EML5: variants seen among roughly 807,000 people sequenced by gnomAD.
EML5 encodes the protein EMAP like 5, also known as echinoderm microtubule-associated protein-like 5.
A neutral mutation model predicts 250.0 loss-of-function variants in EML5; 120 were observed. The ratio of observed to expected loss-of-function variants is 0.48; its 90% CI spans 0.41 to 0.56. The LOEUF (loss-of-function observed/expected upper bound fraction) is 0.56, where lower values mean the gene tolerates loss of function less well. Ranked by LOEUF, EML5 falls within the 20% of genes least tolerant of loss-of-function variation. The probability of loss-of-function intolerance (pLI) is 0.00; values close to 1 mark genes in which losing one functional copy is unlikely to be tolerated. For synonymous variants in EML5, 771 were observed against 806.5 expected (o/e 0.96, Z 0.75); for missense variants, 2,006 against 2,437.6 (o/e 0.82, Z 3.73).
intron 21 of EML5, among the ~76,000 whole-genome samples, chr14:88,666,464 G>T (rs2092309458): frequency 6.6e-6 from 1 of 152,076 alleles, no homozygotes. Flanking sequence ...GACCTCAGGT[G>T]AACCACCTGC....
chr14:88,615,966 T>C (rs942715327), intron 43 of EML5, 112 bp from the exon 44 acceptor site: 3 of 1,320,382 alleles, frequency 2.3e-6, no homozygotes, highest in African/African-American at 2.9e-5. Context: ...TTTTCCTCTT[T>C]AACTCCTTTT....
At position 88,681,960 on chromosome 14, in the gene EML5, A is replaced by G; in HGVS notation, c.3054T>C (p.Asp1018=). Residue 1018 remains aspartate, a synonymous_variant, in exon 21 of 44, where the codon GAT becomes GAC. Coordinates refer to ENST00000554922, the MANE Select transcript of EML5 (RefSeq NM_183387.3). The stretch of plus-strand genomic sequence containing the variant: ...GATCCCATATTCTTAAGGTTTTATC[A>G]TCGCTTACAGTAGCACAGATGGGCA... The part of the protein sequence containing the change: ...PYLPICATVS[D]DKTLRIWDLS... The G allele has an allele frequency of 1.2e-6, 2 of 1,613,728 alleles. No individual in the cohort carries two copies. The highest frequency in any genetic ancestry group is 1.7e-6 in the Non-Finnish European group (2 of 1,179,810).
At chr14:88,678,982 T>C (rs1349320103) in intron 21 of EML5, among the ~76,000 whole-genome samples, 3 of 151,920 alleles carry the variant, frequency 2.0e-5, no homozygotes, top group African/African-American at 7.3e-5. Context: ...TAATCCTTCC[T>C]TGTTTCTCTC....
chr14:88,690,631 G>C (rs181354965), intron 17 of EML5, among the ~76,000 whole-genome samples: 1 of 152,208 alleles, frequency 6.6e-6, no homozygotes, highest in Non-Finnish European at 1.5e-5. Context: ...GTTTAGCATA[G>C]AAGATGACAA....
At position 88,760,519 on chromosome 14, in the gene EML5, C is replaced by A. The variant is rs550792542; in HGVS notation, c.198-5848G>T. Among the ~76,000 whole-genome samples the A allele has an allele frequency of 2.6e-5, 4 of 152,222 alleles. No homozygotes were observed. The East Asian group carries it at 7.7e-4, about 29-fold the overall frequency. On this transcript the variant is annotated intron_variant, in intron 1 of 43. Coordinates refer to ENST00000554922, the MANE Select transcript of EML5 (RefSeq NM_183387.3). ...GCACCCTGTATTTTACACCATTAAC[C>A]TATGTATCTATCCTTTCACCAATAC...
At chr14:88,686,559 C>T (rs2141227966) in intron 19 of EML5, among the ~76,000 whole-genome samples, 1 of 151,410 alleles carries the variant, frequency 6.6e-6, no homozygotes, top group African/African-American at 2.4e-5. Flanking sequence ...GTGGCTCATG[C>T]CTGTAATTTC....
intron 10 of EML5, among the ~76,000 whole-genome samples, chr14:88,708,775 T>C (rs2093358486): frequency 6.6e-6 from 1 of 152,154 alleles, no homozygotes; most frequent in Admixed American, 6.5e-5. Flanking sequence ...GTTTTAAATG[T>C]AAATTGGATT....
At chr14:88,632,184 A>G (rs1321954412) in intron 33 of EML5, among the ~76,000 whole-genome samples, 3 of 152,180 alleles carry the variant, frequency 2.0e-5, no homozygotes, top group Non-Finnish European at 2.9e-5. Context: ...TCATACGCCC[A>G]TACCCAATTA....
At chr14:88,634,998 A>G (rs1341771625) in intron 32 of EML5, among the ~76,000 whole-genome samples, 6 of 152,214 alleles carry the variant, frequency 3.9e-5, no homozygotes, top group African/African-American at 1.4e-4. Flanking sequence ...AGCTTACTGT[A>G]TAACTCAAGA....
chr14:88,648,193 C>G (rs1269794665), intron 28 of EML5, among the ~76,000 whole-genome samples: 2 of 152,044 alleles, frequency 1.3e-5, no homozygotes, highest in Non-Finnish European at 1.5e-5. Flanking sequence ...CTTTACATGT[C>G]TAGAACAATC....
chr14:88,617,025 C>G, intron 41 of EML5, 146 bp from the exon 42 acceptor site: 1 of 615,622 alleles, frequency 1.6e-6, no homozygotes, highest in Non-Finnish European at 2.6e-6. Flanking sequence ...TGTTTGGAGA[C>G]CTGAATTTCA....
chr14:88,643,447 GTATTAGGTATC>G (rs2091178548), intron 30 of EML5, among the ~76,000 whole-genome samples: 1 of 152,110 alleles, frequency 6.6e-6, no homozygotes, highest in East Asian at 1.9e-4. Context: ...CATTTACACT[GTATTAGGTATC>G]ATAAGTAATC....
At chr14:88,642,132 C>T (rs1555423664) in intron 31 of EML5, among the ~76,000 whole-genome samples, 1 of 152,180 alleles carries the variant, frequency 6.6e-6, no homozygotes, top group Non-Finnish European at 1.5e-5. Flanking sequence ...TCAATCTACT[C>T]TTTACCCATT....
At chr14:88,622,803 A>G in intron 36 of EML5, 85 bp from the exon 37 acceptor site, 1 of 791,074 alleles carries the variant, frequency 1.3e-6, no homozygotes, top group Non-Finnish European at 1.7e-6. Flanking sequence ...TATAAGCAGA[A>G]TCTTTTTTTT....
At position 88,739,124 on chromosome 14, in the gene EML5, GA is replaced by G; in HGVS notation, c.712-111del. 6 of 1,035,740 alleles carry G rather than the reference GA, an allele frequency of 5.8e-6. No homozygotes were observed. The East Asian group carries it at 1.6e-4, about 28-fold the overall frequency. The allele number at this position is 1,035,740 out of a possible 1,614,324, so 64.2% of individuals were successfully genotyped here. On this transcript the variant is annotated intron_variant, in intron 5 of 43. Transcript: ENST00000554922. ...TTAACAATATTTTGGTAGGATATAAGAATAAACAAATACATCAGAAAACACA... is the reference window on the plus strand; with the variant it reads ...TTAACAATATTTTGGTAGGATATAAGATAAACAAATACATCAGAAAACACA...
rs990090655 is a variant in EML5 at position 88,714,171 on chromosome 14, T to G, written c.1444+768A>C. Among the ~76,000 whole-genome samples the G allele has an allele frequency of 2.0e-5, 3 of 152,222 alleles. No individual in the cohort carries two copies. The South Asian group carries it at 6.2e-4, about 32-fold the overall frequency. The stretch of plus-strand genomic sequence containing the variant: ...TTATTTGAGATAAACACAAAAAAAA[T>G]GTATTGGTCACACACTTCTAGTAAT... On this transcript the variant is annotated intron_variant, in intron 9 of 43. Transcript: ENST00000554922.
chr14:88,740,052 T>G (rs911719596), intron 5 of EML5, among the ~76,000 whole-genome samples: 2 of 152,190 alleles, frequency 1.3e-5, no homozygotes, highest in African/African-American at 4.8e-5. Context: ...CTCTGGTAAA[T>G]TAGCCTCAAG....
chr14:88,766,774 G>A lies in EML5; in HGVS notation c.198-12103C>T, dbSNP rs7145387. Among the ~76,000 whole-genome samples, 1,292 of 152,090 alleles carry A rather than the reference G, an allele frequency of 8.5e-3. 17 individuals are homozygous for A. The highest frequency in any genetic ancestry group is 0.03 in the African/African-American group (1,228 of 41,480). ...AGTTTTGCAGCTTGAGGGGCATCAC[G>A]GAACCTGCCAACATGTGATGTCTCC... On this transcript the variant is annotated intron_variant, in intron 1 of 43. Transcript: ENST00000554922.
chr14:88,792,151 G>A lies in EML5; in HGVS notation c.197+156C>T, dbSNP rs1274550641. The stretch of plus-strand genomic sequence containing the variant: ...GGAAGAGGGGAAAGGCATTTGTAGG[G>A]TGTTAACTGGTGGACTCGGGACCAG... On this transcript the variant is annotated intron_variant, in intron 1 of 43. Coordinates refer to ENST00000554922, the MANE Select transcript of EML5 (RefSeq NM_183387.3). The surrounding 1 kb of genome is among the most constrained non-coding windows in gnomAD (Gnocchi z 6.9). Among the ~76,000 whole-genome samples, 2 of 152,172 alleles carry A rather than the reference G, an allele frequency of 1.3e-5. No individual in the cohort carries two copies. The highest frequency in any genetic ancestry group is 6.5e-5 in the Admixed American group (1 of 15,286).
Sources: gnomAD v4.1 joint callset for allele counts (sites outside exome capture counted in the v4.1 genomes callset) on GRCh38, gnomAD v4.1.1 for gene constraint, Gnocchi (gnomAD v3.1) non-coding constraint, MANE v1.5 for transcripts, NCBI Gene and HGNC (gene_info 2026-07-23, HGNC 2026-07-21) for gene names.